The following ZDHHC17 variants were observed in gnomAD, a reference collection of about 807,000 sequenced individuals.
ZDHHC17 encodes the protein palmitoyltransferase ZDHHC17.
ZDHHC17 carries 40 observed loss-of-function variants against 90.3 expected under a neutral mutation model. That is an observed-to-expected ratio of 0.44 (90% CI 0.34 to 0.58). The LOEUF (loss-of-function observed/expected upper bound fraction) is 0.58. Among genes scored for constraint, ZDHHC17 ranks in the 20% least tolerant of loss-of-function variants. The probability of loss-of-function intolerance (pLI) is 0.01; values close to 1 mark genes in which losing one functional copy is unlikely to be tolerated. For missense variants in ZDHHC17, 614 were observed against 780.8 expected (o/e 0.79, Z 2.55); for synonymous variants, 235 against 252.4 (o/e 0.93, Z 0.65).
At chr12:76,837,498 T>TA (rs200941938) in intron 10 of ZDHHC17, among the ~76,000 whole-genome samples, 1,630 of 152,174 alleles carry the variant, frequency 0.011, 28 homozygotes, top group African/African-American at 0.037. Flanking sequence ...TTGTCTCTGT[T>TA]AAAAAACTCT....
At chr12:76,809,157 CT>C in intron 4 of ZDHHC17, 37 bp downstream of exon 4, 1 of 1,429,032 alleles carries the variant, frequency 7.0e-7, no homozygotes, top group South Asian at 1.5e-5. Flanking sequence ...CCTTTGGTTC[CT>C]TTATTAGTAT....
rs756831613 is a variant in ZDHHC17, at chr12:76,822,453, G to A, written c.819G>A (p.Met273Ile). ...DLAKQRKNVW[M>I]INHLQEARQA... The stretch of plus-strand genomic sequence containing the variant: ...CAAAACAGAGAAAAAATGTGTGGAT[G>A]ATCAACCACTTACAAGAGGCAAGGC... Residue 273 changes from methionine to isoleucine, a missense_variant, in exon 8 of 17, where the codon ATG becomes ATA. This residue lies in a region of ZDHHC17 where 358 missense variants were observed against 380.4 expected (regional missense o/e 0.94). Transcript: ENST00000426126. 2 of 1,613,518 alleles carry A rather than the reference G, an allele frequency of 1.2e-6. No individual in the cohort carries two copies. The highest frequency in any genetic ancestry group is 1.7e-6 in the Non-Finnish European group (2 of 1,179,764).
chr12:76,771,449 TG>T (rs1299734294), intron 1 of ZDHHC17, among the ~76,000 whole-genome samples: 1 of 152,202 alleles, frequency 6.6e-6, no homozygotes, highest in African/African-American at 2.4e-5. Context: ...AACATTATAG[TG>T]TCCTAGGATC....
chr12:76,829,036 T>C (rs1953264597), intron 10 of ZDHHC17, among the ~76,000 whole-genome samples: 1 of 152,160 alleles, frequency 6.6e-6, no homozygotes, highest in African/African-American at 2.4e-5. Flanking sequence ...CCAGTCAGAA[T>C]AGCTATTTTT....
At chr12:76,801,698 TTA>T (rs1952893579) in intron 2 of ZDHHC17, among the ~76,000 whole-genome samples, 2 of 152,150 alleles carry the variant, frequency 1.3e-5, no homozygotes, top group Admixed American at 6.5e-5. Context: ...TAATTTGAAT[TTA>T]TGTTACTGAA....
chr12:76,804,474 T>G (rs916082769), intron 2 of ZDHHC17, among the ~76,000 whole-genome samples: 1 of 152,136 alleles, frequency 6.6e-6, no homozygotes, highest in Non-Finnish European at 1.5e-5. Flanking sequence ...TTTTAAATGG[T>G]CCATTTTCAA....
At position 76,797,472 on chromosome 12, in the gene ZDHHC17, T is replaced by A; in HGVS notation, c.132T>A (p.Gly44=). ...AAAGCCATTATAACCATGGATATGG[T>A]GAACCTCTTGGACGGAAAACTCATA... ...KPQSHYNHGY[G]EPLGRKTHID... The change falls in exon 2 of 17, where the codon GGT becomes GGA. Residue 44 remains glycine (G), a synonymous_variant. Transcript: ENST00000426126. The A allele has an allele frequency of 6.2e-7, 1 of 1,611,164 alleles. No individual in the cohort carries two copies. Among genetic ancestry groups the A allele is most frequent in the African/African-American group, 1.3e-5 (1 of 74,922 alleles).
intron 1 of ZDHHC17, among the ~76,000 whole-genome samples, chr12:76,774,264 G>GTGTATGTGTATGTGTA (rs1555179823): frequency 6.7e-6 from 1 of 149,668 alleles, no homozygotes; most frequent in African/African-American, 2.5e-5. Context: ...TAAAGAATGT[G>GTGTATGTGTATGTGTA]TGTGTATGTG....
At position 76,800,869 on chromosome 12, in the gene ZDHHC17, T is replaced by C. The variant is rs1952878157; in HGVS notation, c.197+3332T>C. On this transcript the variant is annotated intron_variant, in intron 2 of 16. Transcript: ENST00000426126. ...GTAATTACTAATAAAGAGGGACTTC[T>C]GTCATTTTGCCATTTCTTTTTTTTT... Among the ~76,000 whole-genome samples, 4 of 150,906 alleles carry C rather than the reference T, an allele frequency of 2.7e-5. 1 individual carries two copies. In the South Asian group the frequency reaches 8.4e-4, roughly 32 times the overall value.
chr12:76,803,364 C>T (rs1051711316), intron 2 of ZDHHC17, among the ~76,000 whole-genome samples: 4 of 152,164 alleles, frequency 2.6e-5, no homozygotes, highest in African/African-American at 9.7e-5. Flanking sequence ...GGTCACATCC[C>T]AGAGCAATCC....
intron 1 of ZDHHC17, among the ~76,000 whole-genome samples, chr12:76,770,337 A>G (rs1952478302): frequency 6.6e-6 from 1 of 152,220 alleles, no homozygotes; most frequent in Admixed American, 6.5e-5. Context: ...ACTTCTTATT[A>G]TAAGCCCTTT....
Position 76,764,524 on chromosome 12 carries a change from G to C in ZDHHC17, c.93+195G>C. 5.0e-6 allele frequency: 3 copies of C among 595,526 alleles called. No individual in the cohort carries two copies. In the South Asian group the frequency reaches 6.0e-5, roughly 12 times the overall value. 36.9% of individuals were successfully genotyped at this position (595,526 alleles called of 1,614,324 possible). On this transcript the variant is annotated intron_variant, in intron 1 of 16. Coordinates refer to ENST00000426126, the MANE Select transcript of ZDHHC17 (RefSeq NM_015336.4). ...AGGAGATAGCGGGGCGGGCCCGACC[G>C]GGGCGGGCTCTGGGACGCAGTCCCT...
intron 1 of ZDHHC17, among the ~76,000 whole-genome samples, chr12:76,792,671 C>T (rs1231289960): frequency 6.6e-6 from 1 of 151,962 alleles, no homozygotes; most frequent in Non-Finnish European, 1.5e-5. Context: ...AACAAAAAAA[C>T]CTTCTGACTG....
At chr12:76,773,253 TATGTCCTTCCCACCA>T (rs1194185142) in intron 1 of ZDHHC17, among the ~76,000 whole-genome samples, 2 of 152,250 alleles carry the variant, frequency 1.3e-5, no homozygotes, top group African/African-American at 4.8e-5. Context: ...TGCCTGTTCA[TATGTCCTTCCCACCA>T]ATCCCTGATT....
At chr12:76,827,097 T>C in intron 9 of ZDHHC17, 47 bp downstream of exon 9, 2 of 1,503,618 alleles carry the variant, frequency 1.3e-6, no homozygotes, top group South Asian at 2.8e-5. Context: ...CATGAAATAA[T>C]ATAATTTGTA....
intron 14 of ZDHHC17, among the ~76,000 whole-genome samples, 156 bp downstream of exon 14, chr12:76,846,835 C>T (rs918401021): frequency 5.3e-5 from 8 of 152,210 alleles, no homozygotes; most frequent in Admixed American, 5.2e-4. Context: ...AGATACAGCT[C>T]TATCAATTAT....
In ZDHHC17 at chr12:76,774,492, A is replaced by G. The variant is rs533690757; in HGVS notation, c.93+10163A>G. On this transcript the variant is annotated intron_variant, in intron 1 of 16. Coordinates refer to ENST00000426126, the MANE Select transcript of ZDHHC17 (RefSeq NM_015336.4). ...GAGGACAGACAGTGCTGATTGAATT[A>G]TAGGTGTCTCAAGTTTAAACATTTT... 5.9e-5 allele frequency among the ~76,000 whole-genome samples: 9 copies of G among 152,266 alleles called. No individual in the cohort carries two copies. In the South Asian group the frequency reaches 1.0e-3, roughly 18 times the overall value.
chr12:76,830,996 A>T (rs1027571360), intron 10 of ZDHHC17, among the ~76,000 whole-genome samples: 2 of 152,106 alleles, frequency 1.3e-5, no homozygotes, highest in African/African-American at 2.4e-5. Flanking sequence ...AATCAAGTCT[A>T]TTTAGCTTAC....
intron 1 of ZDHHC17, among the ~76,000 whole-genome samples, chr12:76,768,700 A>AT (rs1301020890): frequency 1.3e-5 from 2 of 152,132 alleles, no homozygotes; most frequent in Non-Finnish European, 2.9e-5. Context: ...ACCAGCTTCC[A>AT]TTTTACCTAC....
Sources: allele counts gnomAD v4.1 joint callset (sites outside exome capture counted in the v4.1 genomes callset), GRCh38; gene constraint gnomAD v4.1.1; regional missense constraint gnomAD v4.1.1; transcripts MANE v1.5; gene names NCBI Gene and HGNC (gene_info 2026-07-23, HGNC 2026-07-21).